Variants in INPPL1 observed in about 807,000 individuals in gnomAD.
The protein encoded by INPPL1 is phosphatidylinositol 3,4,5-trisphosphate 5-phosphatase 2.
INPPL1 carries 91 observed loss-of-function variants against 139.3 expected under a neutral mutation model. The ratio of observed to expected loss-of-function variants is 0.65; its 90% CI spans 0.55 to 0.78. The LOEUF (loss-of-function observed/expected upper bound fraction) is 0.78. Ranked by LOEUF, INPPL1 falls within the 30% of genes least tolerant of loss-of-function variation. The pLI, the probability that INPPL1 is intolerant of heterozygous loss-of-function variation, is 0.00. For synonymous variants in INPPL1, 719 were observed against 686.6 expected, an observed-to-expected ratio of 1.05 and a Z score of -0.74; for missense variants, 1,411 against 1,665.6, an observed-to-expected ratio of 0.85 and a Z score of 2.66.
In INPPL1 at chr11:72,224,894, C is replaced by T. The variant is rs546297576; in HGVS notation, c.-91C>T. On this transcript the variant is annotated 5_prime_UTR_variant, in exon 1 of 28. Coordinates refer to ENST00000298229, the MANE Select transcript of INPPL1 (RefSeq NM_001567.4). Reference sequence around the variant, plus strand: ...CGGCCCACGGATCCTCAAGCCCGGGCCCCGGGCCCGGCCCCAGCCTCAGCC... The same window carrying T: ...CGGCCCACGGATCCTCAAGCCCGGGTCCCGGGCCCGGCCCCAGCCTCAGCC... The T allele has an allele frequency of 2.2e-6, 2 of 908,758 alleles. No individual in the cohort carries two copies. The highest frequency in any genetic ancestry group is 3.6e-5 in the African/African-American group (2 of 55,820). 56.3% of individuals were successfully genotyped at this position (908,758 alleles called of 1,614,324 possible).
chr11:72,238,469 T>A lies in INPPL1; in HGVS notation c.*116T>A. ...AGGGCAGTATCTCTCTGCCTATTTA[T>A]TGGGGTGCCTATTTATTGGGGATCT... On this transcript the variant is annotated 3_prime_UTR_variant, in exon 28 of 28. Coordinates refer to ENST00000298229, the MANE Select transcript of INPPL1 (RefSeq NM_001567.4). The A allele has an allele frequency of 3.9e-6, 3 of 773,592 alleles. No individual in the cohort carries two copies. Among genetic ancestry groups the A allele is most frequent in the Non-Finnish European group, 5.8e-6 (3 of 515,038 alleles). The allele number at this position is 773,592 out of a possible 1,614,324, so 47.9% of individuals were successfully genotyped here. A position where few individuals can be genotyped will look rare whatever the true frequency, so the allele number is the denominator to read the frequency against.
At position 72,235,284 on chromosome 11, in the gene INPPL1, T is replaced by C. The variant is rs1453072488; in HGVS notation, c.2504-12T>C. ...CTTGGTAATTTGCTGGTTTGTCCCA[T>C]CTGCTCCTCAGGGGAGTGTGTGGTT... On this transcript the variant is annotated splice_polypyrimidine_tract_variant and intron_variant, in intron 22 of 27. Coordinates refer to ENST00000298229, the MANE Select transcript of INPPL1 (RefSeq NM_001567.4). The surrounding 1 kb of genome is among the most constrained non-coding windows in gnomAD (Gnocchi z 4.9). 1 of 1,613,970 alleles carries C rather than the reference T, an allele frequency of 6.2e-7. No individual in the cohort carries two copies.
rs1010295217 is a variant in INPPL1 at position 72,238,503 on chromosome 11, C to T, written c.*150C>T. 6.7e-6 allele frequency: 4 copies of T among 599,528 alleles called. No homozygotes were observed. Among genetic ancestry groups the T allele is most frequent in the African/African-American group, 5.8e-5 (3 of 51,298 alleles). 37.1% of individuals were successfully genotyped at this position (599,528 alleles called of 1,614,324 possible). A position where few individuals can be genotyped will look rare whatever the true frequency, so the allele number is the denominator to read the frequency against. ...CTATTTATTGGGGATCTGCATTCCC[C>T]GCTGCCCAATCATTTGCAATGCCCT... On this transcript the variant is annotated 3_prime_UTR_variant, in exon 28 of 28. Coordinates refer to ENST00000298229, the MANE Select transcript of INPPL1 (RefSeq NM_001567.4).
At chr11:72,226,094 T>C (rs1381913009) in intron 1 of INPPL1, among the ~76,000 whole-genome samples, 1 of 151,872 alleles carries the variant, frequency 6.6e-6, no homozygotes, top group Non-Finnish European at 1.5e-5. Context: ...CCTCCCAAAC[T>C]CCTGTCCCAC....
rs79023399 is a variant in INPPL1 at position 72,234,101 on chromosome 11, C to T, written c.2213-180C>T. The stretch of plus-strand genomic sequence containing the variant: ...TTTATCCTTGGGTTGTCTCTTTGCT[C>T]TGGTCCAGGGTCTGGCCTCTGGAGA... On this transcript the variant is annotated intron_variant, in intron 19 of 27. Coordinates refer to ENST00000298229, the MANE Select transcript of INPPL1 (RefSeq NM_001567.4). This position sits in a 1 kb window ranked among gnomAD's most constrained non-coding sequence, Gnocchi z 4.2. 0.017 allele frequency among the ~76,000 whole-genome samples: 2,594 copies of T among 152,268 alleles called. 76 individuals are homozygous for T. Among genetic ancestry groups the T allele is most frequent in the African/African-American group, 0.06 (2,497 of 41,528 alleles).
At position 72,234,732 on chromosome 11, in the gene INPPL1, A is replaced by AGTGGGT; in HGVS notation, c.2415+120_2415+121insGGTGTG. Reference sequence around the variant, plus strand: ...GGGGCCAGCAGAGAGAGAGAGAGAGAGTGTGTGTGTGTGTGTGTGTGTGTG... The same window carrying AGTGGGT: ...GGGGCCAGCAGAGAGAGAGAGAGAGAGTGGGTGTGTGTGTGTGTGTGTGTGTGTGTG... On this transcript the variant is annotated intron_variant, in intron 21 of 27. Transcript: ENST00000298229. This position sits in a 1 kb window ranked among gnomAD's most constrained non-coding sequence, Gnocchi z 4.2. The AGTGGGT allele has an allele frequency of 1.9e-6, 1 of 527,282 alleles. No homozygotes were observed. The highest frequency in any genetic ancestry group is 3.4e-6 in the Non-Finnish European group (1 of 298,242). The allele number at this position is 527,282 out of a possible 1,614,324, so 32.7% of individuals were successfully genotyped here. A position where few individuals can be genotyped will look rare whatever the true frequency, so the allele number is the denominator to read the frequency against.
intron 14 of INPPL1, 64 bp downstream of exon 14, chr11:72,232,400 C>A: frequency 7.0e-7 from 1 of 1,420,428 alleles, no homozygotes; most frequent in Non-Finnish European, 9.7e-7. Context: ...CCTGTTCCCG[C>A]TCCCATACCC....
rs11548491 is a variant in INPPL1, at chr11:72,237,492, C to T, written c.3248C>T (p.Ala1083Val). The T allele has an allele frequency of 1.9e-6, 3 of 1,609,216 alleles. No individual in the cohort carries two copies. The African/African-American group carries it at 4.0e-5, about 22-fold the overall frequency. ...PGPVVRGRGG[A>V]EARGPPPPKA... ...CCAGTGGTCCGGGGCCGTGGTGGGG[C>T]TGAGGCCCGTGGCCCACCACCTCCC... The change falls in exon 26 of 28, where the codon GCT (alanine) becomes GTT (valine). Residue 1083 changes from alanine (A) to valine (V), a missense_variant. This residue lies in a region of INPPL1 where 438 missense variants were observed against 425.7 expected (regional missense o/e 1.03). Transcript: ENST00000298229.
At chr11:72,237,053 C>A in intron 25 of INPPL1, 71 bp from the exon 26 acceptor site, 1 of 1,394,274 alleles carries the variant, frequency 7.2e-7, no homozygotes, top group East Asian at 2.3e-5. Context: ...TCTAGTTCTC[C>A]TTCCACTGCT....
chr11:72,236,358 T>G (rs546621145), intron 25 of INPPL1, among the ~76,000 whole-genome samples: 8 of 152,246 alleles, frequency 5.3e-5, no homozygotes, highest in African/African-American at 1.4e-4. Flanking sequence ...GAGGCCCCAG[T>G]TGAAATGGGT....
At position 72,234,291 on chromosome 11, in the gene INPPL1, G is replaced by T. The variant is rs745723030; in HGVS notation, c.2223G>T (p.Lys741Asn). ...TCCCTTTCTCCTCAGGGCTCTCAAA[G>T]ACTTCAGACCAGGCCTACATTGAGT... ...SQFISKKGLS[K>N]TSDQAYIEFE... The change falls in exon 20 of 28, where the codon AAG (lysine) becomes AAT (asparagine). Residue 741 changes from lysine (K) to asparagine (N), a missense_variant. By Grantham distance (94) the Lys-to-Asn change is moderately conservative (BLOSUM62 0). Around this residue, in one of 5 missense-constraint regions of INPPL1, gnomAD observed 363 missense variants for 446.2 expected, o/e 0.81. Transcript: ENST00000298229. The surrounding 1 kb of genome is among the most constrained non-coding windows in gnomAD (Gnocchi z 4.2). 6.2e-7 allele frequency: 1 copy of T among 1,613,508 alleles called. No homozygotes were observed. Among genetic ancestry groups the T allele is most frequent in the Non-Finnish European group, 8.5e-7 (1 of 1,179,492 alleles).
In INPPL1 at chr11:72,224,828, C is replaced by T. The variant is rs1201242368; in HGVS notation, c.-157C>T. 1 of 319,006 alleles carries T rather than the reference C, an allele frequency of 3.1e-6. No homozygotes were observed. Among genetic ancestry groups the T allele is most frequent in the Non-Finnish European group, 4.7e-6 (1 of 214,098 alleles). The allele number at this position is 319,006 out of a possible 1,614,324, so 19.8% of individuals were successfully genotyped here. On this transcript the variant is annotated 5_prime_UTR_variant, in exon 1 of 28. Transcript: ENST00000298229. ...GGCGGCTGCGCGGTGAACGAGGCGGCCTGCGCGGCGGAGTGCTGAGTCCCG... is the reference window on the plus strand; with the variant it reads ...GGCGGCTGCGCGGTGAACGAGGCGGTCTGCGCGGCGGAGTGCTGAGTCCCG...
chr11:72,237,259 C>T lies in INPPL1; in HGVS notation c.3015C>T (p.Ala1005=). The T allele has an allele frequency of 6.2e-7, 1 of 1,614,060 alleles. No homozygotes were observed. The highest frequency in any genetic ancestry group is 8.5e-7 in the Non-Finnish European group (1 of 1,180,032). Residue 1005 remains alanine, a synonymous_variant, in exon 26 of 28, where the codon GCC becomes GCT. Transcript: ENST00000298229. ...TGCCCCCGGAGCCACCCTCGCCTGCCAGGGCCCCTGTCCCATCTGCCACCA... is the reference window on the plus strand; with the variant it reads ...TGCCCCCGGAGCCACCCTCGCCTGCTAGGGCCCCTGTCCCATCTGCCACCA... ...QLLPPEPPSP[A]RAPVPSATKN... is the part of the protein sequence containing the mutation.
At position 72,232,340 on chromosome 11, in the gene INPPL1, A is replaced by AG. The variant is rs1310384681; in HGVS notation, c.1712+9dup. ...CGGGAAATGAGAAGACGGCTCGGTG[A>AG]GGGGGCGCCTTTCCCATGGTCTCTT... On this transcript the variant is annotated splice_donor_region_variant and intron_variant, in intron 14 of 27. Transcript: ENST00000298229. 5 of 1,550,860 alleles carry AG rather than the reference A, an allele frequency of 3.2e-6. No individual in the cohort carries two copies. Among genetic ancestry groups the AG allele is most frequent in the Non-Finnish European group, 4.4e-6 (5 of 1,146,460 alleles).
chr11:72,232,546 TCTTCC>T (rs1948863810), intron 14 of INPPL1, 75 bp from the exon 15 acceptor site: 1 of 1,540,802 alleles, frequency 6.5e-7, no homozygotes, highest in Non-Finnish European at 8.9e-7. Context: ...TCCTGAGACT[TCTTCC>T]CTTTATGCCT....
At position 72,235,357 on chromosome 11, in the gene INPPL1, C is replaced by T. The variant is rs947845870; in HGVS notation, c.2565C>T (p.Phe855=). Residue 855 remains phenylalanine (F), a synonymous_variant, in exon 23 of 28, where the codon TTC becomes TTT. Transcript: ENST00000298229. The surrounding 1 kb of genome is among the most constrained non-coding windows in gnomAD (Gnocchi z 4.9). The part of the protein sequence containing the change: ...IGSTAQQFLT[F]LSHRGEETGN... The stretch of plus-strand genomic sequence containing the variant: ...GCACGGCCCAACAGTTCCTGACCTT[C>T]CTATCCCACCGTGGCGAGGAGACAG... 15 of 1,614,038 alleles carry T rather than the reference C, an allele frequency of 9.3e-6. No homozygotes were observed. The highest frequency in any genetic ancestry group is 1.2e-5 in the Non-Finnish European group (14 of 1,180,032).
rs1948768773 is a variant in INPPL1, at chr11:72,229,463, A to T, written c.660-2A>T. On this transcript the variant is annotated splice_acceptor_variant, in intron 5 of 27. Transcript: ENST00000298229. LOFTEE classifies it high-confidence loss of function. ...GTTCTTTTGATCTGATGTCTTCCCTAGTGAGGTGGACAAGGTCCTGTCAGG... is the reference window on the plus strand; with the variant it reads ...GTTCTTTTGATCTGATGTCTTCCCTTGTGAGGTGGACAAGGTCCTGTCAGG... 1 of 1,613,682 alleles carries T rather than the reference A, an allele frequency of 6.2e-7. No homozygotes were observed. The highest frequency in any genetic ancestry group is 8.5e-7 in the Non-Finnish European group (1 of 1,179,698).
rs1195787033 is a variant in INPPL1 at position 72,238,929 on chromosome 11, T to G, written c.*576T>G. The G allele has an allele frequency of 6.6e-6, 1 of 152,298 alleles. No individual in the cohort carries two copies. The highest frequency in any genetic ancestry group is 2.4e-5 in the African/African-American group (1 of 41,218). 9.4% of individuals were successfully genotyped at this position (152,298 alleles called of 1,614,324 possible). A position where few individuals can be genotyped will look rare whatever the true frequency, so the allele number is the denominator to read the frequency against. Reference sequence around the variant, plus strand: ...GGATCTCAGCCATAAAGTGCCAGTTTGCTTAGTTCTCACTGTCTCCTGGTC... The same window carrying G: ...GGATCTCAGCCATAAAGTGCCAGTTGGCTTAGTTCTCACTGTCTCCTGGTC... On this transcript the variant is annotated 3_prime_UTR_variant, in exon 28 of 28. Transcript: ENST00000298229.
Position 72,238,327 on chromosome 11 carries a change from C to T in INPPL1, c.3751C>T (p.Leu1251=). The change falls in exon 28 of 28, where the codon CTG becomes TTG. Residue 1251 remains leucine (L), a synonymous_variant. Transcript: ENST00000298229. ...GGACCCGGCTCACAAGCGCCTCCTT[C>T]TGGACACCCTGCAGCTCAGCAAGTG... The part of the protein sequence containing the change: ...VQDPAHKRLL[L]DTLQLSK 1 of 1,582,852 alleles carries T rather than the reference C, an allele frequency of 6.3e-7. No individual in the cohort carries two copies. The highest frequency in any genetic ancestry group is 1.4e-5 in the African/African-American group (1 of 73,952).
Sources: allele counts gnomAD v4.1 joint callset (sites outside exome capture counted in the v4.1 genomes callset), GRCh38; gene constraint gnomAD v4.1.1; regional missense constraint gnomAD v4.1.1; non-coding constraint Gnocchi (gnomAD v3.1); transcripts MANE v1.5; gene names NCBI Gene and HGNC (gene_info 2026-07-23, HGNC 2026-07-21).